Variants in CENPK observed in about 807,000 individuals in gnomAD.
CENPK encodes the protein SoxLZ/Sox6-binding protein Solt.
Under a neutral mutation model 40.9 loss-of-function variants are expected in CENPK, and 46 were observed. That is an observed-to-expected ratio of 1.13 (90% CI 0.89 to 1.44). The LOEUF (loss-of-function observed/expected upper bound fraction) is 1.44, where lower values mean the gene tolerates loss of function less well. CENPK is among the 40% of genes most tolerant of loss of function. CENPK has a pLI of 0.00. For missense variants in CENPK, 288 were observed against 303.5 expected, an observed-to-expected ratio of 0.95 and a Z score of 0.38; for synonymous variants, 107 against 104.4, an observed-to-expected ratio of 1.02 and a Z score of -0.15.
chr5:65,553,209 CACT>C (rs1750394253), intron 3 of CENPK, among the ~76,000 whole-genome samples: 1 of 152,088 alleles, frequency 6.6e-6, no homozygotes, highest in Non-Finnish European at 1.5e-5. Flanking sequence ...AGAAAAACCT[CACT>C]AATTTGACCA....
the CENPK span, among the ~76,000 whole-genome samples, chr5:65,501,401 A>ACTGCTGAC: frequency 6.6e-6 from 1 of 151,508 alleles, no homozygotes; most frequent in Non-Finnish European, 1.5e-5. Context: ...CTGGTCCCGA[A>ACTGCTGAC]CTCCTGACCT....
chr5:65,515,113 T>C (rs1742771129), downstream of CENPK, among the ~76,000 whole-genome samples: 1 of 152,122 alleles, frequency 6.6e-6, no homozygotes, highest in African/African-American at 2.4e-5. Flanking sequence ...AAGTAGATGC[T>C]TATTGATTTT....
chr5:65,529,685 A>C (rs969467248), intron 6 of CENPK: 5 of 153,896 alleles, frequency 3.2e-5, no homozygotes, highest in African/African-American at 4.8e-5. Context: ...ATAGGGTTTC[A>C]CCATGTTAGC....
intron 2 of CENPK, among the ~76,000 whole-genome samples, chr5:65,560,136 T>C (rs1262518645): frequency 1.3e-5 from 2 of 152,010 alleles, no homozygotes; most frequent in Non-Finnish European, 2.9e-5. Flanking sequence ...GTAAAATCTT[T>C]ACACCAAAAT....
chr5:65,523,928 A>AT (rs748499424), intron 9 of CENPK, among the ~76,000 whole-genome samples: 2 of 152,130 alleles, frequency 1.3e-5, no homozygotes, highest in Non-Finnish European at 2.9e-5. Context: ...AGAACTTGAG[A>AT]TTTAAAAAAA....
At chr5:65,510,394 T>G in the CENPK span, among the ~76,000 whole-genome samples, 1 of 152,182 alleles carries the variant, frequency 6.6e-6, no homozygotes, top group Non-Finnish European at 1.5e-5. Flanking sequence ...CCAAAAACCA[T>G]GTTGAAATTT....
At chr5:65,562,905 A>ACC (rs1392657257) in intron 1 of CENPK, 193 bp downstream of exon 1, 1 of 159,908 alleles carries the variant, frequency 6.3e-6, no homozygotes, top group Admixed American at 6.1e-5. Context: ...TTCTGTCCCC[A>ACC]CCCTTCCATC....
At chr5:65,539,421 C>T (rs544142790) in intron 6 of CENPK, among the ~76,000 whole-genome samples, 6 of 152,224 alleles carry the variant, frequency 3.9e-5, no homozygotes, top group South Asian at 4.1e-4. Flanking sequence ...ATGGTGGGAG[C>T]GACATAGGAT....
At chr5:65,549,574 G>C (rs1053996242) in intron 5 of CENPK, among the ~76,000 whole-genome samples, 1 of 152,162 alleles carries the variant, frequency 6.6e-6, no homozygotes, top group Admixed American at 6.5e-5. Flanking sequence ...AAGTATCTTA[G>C]CTAGATCTTC....
chr5:65,535,652 C>G (rs1746757142), intron 6 of CENPK, among the ~76,000 whole-genome samples: 1 of 152,228 alleles, frequency 6.6e-6, no homozygotes, highest in Admixed American at 6.5e-5. Context: ...CCACACAACT[C>G]TACTGGGAAA....
intron 6 of CENPK, among the ~76,000 whole-genome samples, chr5:65,538,150 T>C (rs966601220): frequency 2.6e-5 from 4 of 152,348 alleles, no homozygotes; most frequent in Admixed American, 2.6e-4. Context: ...CATTGTTATT[T>C]TGTGGGATCA....
At chr5:65,508,590 G>A in the CENPK span, among the ~76,000 whole-genome samples, 2 of 152,052 alleles carry the variant, frequency 1.3e-5, no homozygotes, top group Non-Finnish European at 2.9e-5. Flanking sequence ...TTCGACACCA[G>A]CCTGGCCAAT....
rs140804671 is a variant in CENPK, at chr5:65,563,132, G to T, written c.-176C>A. 858 of 750,372 alleles carry T rather than the reference G, an allele frequency of 1.1e-3. 6 individuals are homozygous for T. In the African/African-American group the frequency reaches 0.012, roughly 10 times the overall value. The allele number at this position is 750,372 out of a possible 1,614,324, so 46.5% of individuals were successfully genotyped here. Reference sequence around the variant, plus strand: ...GTCACAAACTCCAGGTCGCCTAGGCGCTGCGCAGGAAGCGCTTGCCAGCCC... The same window carrying T: ...GTCACAAACTCCAGGTCGCCTAGGCTCTGCGCAGGAAGCGCTTGCCAGCCC... On this transcript the variant is annotated 5_prime_UTR_variant, in exon 1 of 11. Coordinates refer to ENST00000396679, the MANE Select transcript of CENPK (RefSeq NM_022145.5).
chr5:65,542,916 TTTGCG>T, intron 5 of CENPK, 68 bp from the exon 6 acceptor site: 4 of 1,435,638 alleles, frequency 2.8e-6, no homozygotes, highest in Non-Finnish European at 3.8e-6. Context: ...AGAATTTAAT[TTTGCG>T]GTTTTCTAAG....
the CENPK span, among the ~76,000 whole-genome samples, chr5:65,500,477 G>A: frequency 5.3e-5 from 8 of 149,588 alleles, no homozygotes; most frequent in Non-Finnish European, 1.0e-4. Context: ...CTTTTGAGAA[G>A]TGTCTGTTCA....
chr5:65,508,786 T>TAAAAA, the CENPK span, among the ~76,000 whole-genome samples: 1 of 86,004 alleles, frequency 1.2e-5, no homozygotes, highest in Non-Finnish European at 2.2e-5. Context: ...AGACTCCATC[T>TAAAAA]AAAAAAAAAA....
rs543075012 is a variant in CENPK at position 65,537,740 on chromosome 5, T to C, written c.288+5062A>G. On this transcript the variant is annotated intron_variant, in intron 6 of 10. Coordinates refer to ENST00000396679, the MANE Select transcript of CENPK (RefSeq NM_022145.5). Reference sequence around the variant, plus strand: ...CAAGGTATATCCATATTTTAGCATGTATCTCCACTTCATTTCTTTTTATTG... The same window carrying C: ...CAAGGTATATCCATATTTTAGCATGCATCTCCACTTCATTTCTTTTTATTG... Among the ~76,000 whole-genome samples, 6 of 152,352 alleles carry C rather than the reference T, an allele frequency of 3.9e-5. 1 individual carries two copies. In the South Asian group the frequency reaches 1.2e-3, roughly 32 times the overall value.
intron 1 of CENPK, among the ~76,000 whole-genome samples, chr5:65,561,865 T>C (rs1439568100): frequency 6.6e-6 from 1 of 152,244 alleles, no homozygotes; most frequent in Non-Finnish European, 1.5e-5. Context: ...AATACATTCA[T>C]TTATTCAACA....
chr5:65,529,240 C>G (rs1404857000), intron 6 of CENPK, 41 bp from the exon 7 acceptor site: 1 of 1,330,628 alleles, frequency 7.5e-7, no homozygotes, highest in Non-Finnish European at 1.1e-6. Flanking sequence ...GGTCTTTAAT[C>G]CCAGTTTTAT....
Sources: allele counts gnomAD v4.1 joint callset (sites outside exome capture counted in the v4.1 genomes callset), GRCh38; gene constraint gnomAD v4.1.1; transcripts MANE v1.5; gene names NCBI Gene and HGNC (gene_info 2026-07-23, HGNC 2026-07-21).